CDH17: variants seen among roughly 807,000 people sequenced by gnomAD.
CDH17 encodes cadherin 17, also known as cadherin-17.
CDH17 carries 67 observed loss-of-function variants against 86.3 expected under a neutral mutation model. The ratio of observed to expected loss-of-function variants is 0.78; its 90% CI spans 0.64 to 0.95. CDH17 has a LOEUF of 0.95. Among genes scored for constraint, CDH17 ranks in the 40% least tolerant of loss-of-function variants. The pLI is 0.00. For synonymous variants in CDH17, 367 were observed against 366.4 expected (o/e 1.00, Z -0.02); for missense variants, 993 against 1,017.6 (o/e 0.98, Z 0.33).
At position 94,181,718 on chromosome 8, in the gene CDH17, GA is replaced by G. The variant is rs796862602; in HGVS notation, c.151-3998del. On this transcript the variant is annotated intron_variant, in intron 3 of 17. Coordinates refer to ENST00000027335, the MANE Select transcript of CDH17 (RefSeq NM_004063.4). Reference sequence around the variant, plus strand: ...CCCAAAGAACCTAATCTTCTACTTAGAAAAAAAAAAGAAAAGAAAAACAAGA... The same window carrying G: ...CCCAAAGAACCTAATCTTCTACTTAGAAAAAAAAAGAAAAGAAAAACAAGA... Among the ~76,000 whole-genome samples the G allele has an allele frequency of 9.6e-3, 1,345 of 140,366 alleles. 25 individuals are homozygous for G. Among genetic ancestry groups the G allele is most frequent in the African/African-American group, 0.029 (1,111 of 38,304 alleles). The allele number at this position is 140,366 out of a possible 152,430, so 92.1% of individuals were successfully genotyped here.
chr8:94,209,217 A>T (rs2129667370), upstream of CDH17, among the ~76,000 whole-genome samples: 1 of 152,318 alleles, frequency 6.6e-6, no homozygotes, highest in Non-Finnish European at 1.5e-5. Flanking sequence ...AATCAAAATG[A>T]GGTTTTTGAT....
chr8:94,189,734 C>T (rs1813650203), intron 2 of CDH17, among the ~76,000 whole-genome samples: 1 of 152,202 alleles, frequency 6.6e-6, no homozygotes, highest in Admixed American at 6.5e-5. Flanking sequence ...AGATTGCCAG[C>T]ACTCTAGTGT....
chr8:94,150,506 G>C (rs1812836582), intron 13 of CDH17, among the ~76,000 whole-genome samples: 1 of 152,174 alleles, frequency 6.6e-6, no homozygotes, highest in Admixed American at 6.5e-5. Context: ...ACCAACACTG[G>C]AGTCATCCTT....
rs71532304 is a variant in CDH17 at position 94,148,158 on chromosome 8, G to C, written c.1927+586C>G. Among the ~76,000 whole-genome samples the C allele has an allele frequency of 2.6e-3, 402 of 152,300 alleles. 4 individuals carry two copies. Among genetic ancestry groups the C allele is most frequent in the Non-Finnish European group, 4.0e-3 (271 of 68,032 alleles). On this transcript the variant is annotated intron_variant, in intron 14 of 17. Transcript: ENST00000027335. ...GGGAGGTAGTTCAGCCAGGGACACA[G>C]AACTCTCTAGAAGAGGCCATAGCCC...
In CDH17 at chr8:94,152,018, G is replaced by C. The variant is rs374501409; in HGVS notation, c.1646C>G (p.Ser549Cys). ...CACAATAAGCGTGAACTTGGCAAAA[G>C]AACTTGCATTGTACTTCACACCAAA... is the stretch of plus-strand genomic sequence containing the variant. ...LVFGVKYNAS[S>C]FAKFTLIVTD... The change falls in exon 13 of 18, where the codon TCT becomes TGT. Residue 549 changes from serine to cysteine, a missense_variant. Physicochemically the swap from Ser to Cys is moderately radical, Grantham distance 112. Transcript: ENST00000027335. The C allele has an allele frequency of 2.2e-5, 35 of 1,614,180 alleles. No individual in the cohort carries two copies. In the Admixed American group the frequency reaches 5.5e-4, roughly 25 times the overall value.
intron 9 of CDH17, 37 bp from the exon 10 acceptor site, chr8:94,166,013 G>A (rs752834685): frequency 3.2e-6 from 4 of 1,240,740 alleles, no homozygotes; most frequent in Non-Finnish European, 3.5e-6. Context: ...CACCATTACA[G>A]GCTCCACATA....
intron 17 of CDH17, among the ~76,000 whole-genome samples, chr8:94,129,943 A>G (rs1037652991): frequency 1.3e-5 from 2 of 152,154 alleles, no homozygotes; most frequent in African/African-American, 4.8e-5. Context: ...GTATTTGCAA[A>G]TGTTCAAAAA....
At chr8:94,133,460 C>T (rs1269745970) in intron 15 of CDH17, among the ~76,000 whole-genome samples, 2 of 151,210 alleles carry the variant, frequency 1.3e-5, no homozygotes, top group Non-Finnish European at 3.0e-5. Flanking sequence ...TTTTGGCTCT[C>T]TTTGTTTTGG....
At chr8:94,190,786 C>T (rs781432087) in intron 2 of CDH17, among the ~76,000 whole-genome samples, 3 of 152,236 alleles carry the variant, frequency 2.0e-5, no homozygotes, top group Non-Finnish European at 4.4e-5. Context: ...AAACTGCTCC[C>T]TGCTGGGAAT....
chr8:94,129,612 A>G (rs1227667234), intron 17 of CDH17, among the ~76,000 whole-genome samples: 1 of 152,230 alleles, frequency 6.6e-6, no homozygotes, highest in Non-Finnish European at 1.5e-5. Flanking sequence ...TCACTCAGGT[A>G]CACATGAAAT....
At chr8:94,155,249 TC>T (rs1812925144) in intron 12 of CDH17, among the ~76,000 whole-genome samples, 3 of 151,822 alleles carry the variant, frequency 2.0e-5, no homozygotes, top group South Asian at 4.2e-4. Context: ...TTAGGGCTTC[TC>T]CCCCTGAAGT....
chr8:94,215,825 G>T (rs146564803), intron 1 of CDH17, among the ~76,000 whole-genome samples: 164 of 149,790 alleles, frequency 1.1e-3, no homozygotes, highest in African/African-American at 3.8e-3. Context: ...AATGTCTTAC[G>T]GTTTCCAAAA....
At position 94,165,777 on chromosome 8, in the gene CDH17, T is replaced by C. The variant is rs1229891332; in HGVS notation, c.1266A>G (p.Ile422Met). ...KQDTPQYNLT[I>M]EVSDKDFKTL... is the part of the protein sequence containing the mutation. ...GATACTAACCTTTGTCAGACACCTC[T>C]ATCGTTAAGTTGTACTGAGGAGTAT... Residue 422 changes from isoleucine to methionine, a missense_variant, in exon 10 of 18, where the codon ATA (isoleucine) becomes ATG (methionine). Physicochemically the swap from Ile to Met is conservative, Grantham distance 10 (BLOSUM62 1). Coordinates refer to ENST00000027335, the MANE Select transcript of CDH17 (RefSeq NM_004063.4). The C allele has an allele frequency of 1.2e-6, 2 of 1,610,694 alleles. No individual in the cohort carries two copies. The highest frequency in any genetic ancestry group is 1.7e-6 in the Non-Finnish European group (2 of 1,176,856).
intron 15 of CDH17, 32 bp downstream of exon 15, chr8:94,145,896 A>G (rs753402138): frequency 1.9e-6 from 3 of 1,597,676 alleles, no homozygotes; most frequent in South Asian, 1.1e-5. Flanking sequence ...TCATCCATCT[A>G]TGTTTTTTTC....
chr8:94,171,160 C>G (rs1232355429), intron 7 of CDH17, among the ~76,000 whole-genome samples, 175 bp from the exon 8 acceptor site: 8 of 152,304 alleles, frequency 5.3e-5, no homozygotes, highest in African/African-American at 1.4e-4. Context: ...TGTTTCCCCC[C>G]ACCAAGTTAT....
chr8:94,134,439 G>T (rs1305805220), intron 15 of CDH17, among the ~76,000 whole-genome samples: 1 of 152,174 alleles, frequency 6.6e-6, no homozygotes, highest in Non-Finnish European at 1.5e-5. Context: ...TAGTTTATTT[G>T]TGTAGAGGTG....
chr8:94,193,399 T>A (rs1563587005), intron 2 of CDH17, among the ~76,000 whole-genome samples: 1 of 152,318 alleles, frequency 6.6e-6, no homozygotes, highest in East Asian at 1.9e-4. Flanking sequence ...TAGTAGCTAA[T>A]GTTTATTGTG....
chr8:94,213,470 A>C (rs1272702532), upstream of CDH17, among the ~76,000 whole-genome samples: 1 of 152,216 alleles, frequency 6.6e-6, no homozygotes, highest in Non-Finnish European at 1.5e-5. Flanking sequence ...TTGAACATGC[A>C]AGCTGGATCT....
intron 1 of CDH17, among the ~76,000 whole-genome samples, chr8:94,204,851 T>C (rs150523555): frequency 7.4e-4 from 112 of 152,174 alleles, no homozygotes; most frequent in African/African-American, 2.3e-3. Flanking sequence ...CATCCCAGCA[T>C]TGAATGGAAG....
Sources: allele counts gnomAD v4.1 joint callset (sites outside exome capture counted in the v4.1 genomes callset), GRCh38; gene constraint gnomAD v4.1.1; transcripts MANE v1.5; gene names NCBI Gene and HGNC (gene_info 2026-07-23, HGNC 2026-07-21).